Variants in LMNTD1 observed in about 807,000 individuals in gnomAD.
LMNTD1 encodes the protein lamin tail domain-containing protein 1.
In LMNTD1, 35 loss-of-function variants were observed where a neutral mutation model predicts 50.9. The ratio of observed to expected loss-of-function variants is 0.69; its 90% CI spans 0.53 to 0.91. LMNTD1 has a LOEUF of 0.91. LMNTD1 is among the 40% of genes least tolerant of loss of function. The pLI is 0.00. For synonymous variants in LMNTD1, 153 were observed against 161.9 expected, an observed-to-expected ratio of 0.94 and a Z score of 0.42; for missense variants, 470 against 475.5, an observed-to-expected ratio of 0.99 and a Z score of 0.11.
chr12:25,492,739 T>C (rs1938928045), intron 9 of LMNTD1, among the ~76,000 whole-genome samples: 1 of 152,240 alleles, frequency 6.6e-6, no homozygotes, highest in Admixed American at 6.5e-5. Flanking sequence ...CGCTATTTTA[T>C]AGTGGAACAA....
intron 1 of LMNTD1, among the ~76,000 whole-genome samples, chr12:25,567,883 T>C (rs1052346410): frequency 1.3e-5 from 2 of 151,990 alleles, no homozygotes; most frequent in Admixed American, 1.3e-4. Flanking sequence ...TTTATAGCAA[T>C]GTAAGAGTGG....
At chr12:25,609,227 C>A (rs926220280) in intron 1 of LMNTD1, among the ~76,000 whole-genome samples, 1 of 152,120 alleles carries the variant, frequency 6.6e-6, no homozygotes, top group Admixed American at 6.5e-5. Context: ...TTCATCCAAT[C>A]TTTTTTCAAG....
chr12:25,507,912 C>A (rs1939937245), intron 8 of LMNTD1, among the ~76,000 whole-genome samples: 1 of 152,106 alleles, frequency 6.6e-6, no homozygotes, highest in African/African-American at 2.4e-5. Context: ...CAAGACACTG[C>A]AACATAATGA....
chr12:25,618,082 T>A (rs1946385226), intron 1 of LMNTD1, among the ~76,000 whole-genome samples: 4 of 152,102 alleles, frequency 2.6e-5, no homozygotes. Context: ...ATTTCCCCAA[T>A]CTCTACTTTT....
At chr12:25,494,257 G>A (rs901735946) in intron 9 of LMNTD1, among the ~76,000 whole-genome samples, 1 of 152,238 alleles carries the variant, frequency 6.6e-6, no homozygotes, top group East Asian at 1.9e-4. Context: ...TGATATTAAG[G>A]TAAAATTTGG....
intron 1 of LMNTD1, among the ~76,000 whole-genome samples, chr12:25,616,344 A>G (rs1264581656): frequency 1.3e-5 from 2 of 152,236 alleles, no homozygotes; most frequent in East Asian, 3.9e-4. Flanking sequence ...TTTTACAACA[A>G]CTCAACAATA....
intron 1 of LMNTD1, among the ~76,000 whole-genome samples, chr12:25,628,001 G>C (rs1946629081): frequency 6.8e-6 from 1 of 147,810 alleles, no homozygotes. Context: ...CCAGCTACAC[G>C]GGAGGCTGAG....
intron 1 of LMNTD1, among the ~76,000 whole-genome samples, chr12:25,601,189 G>A (rs1340365458): frequency 6.6e-6 from 1 of 151,938 alleles, no homozygotes; most frequent in Non-Finnish European, 1.5e-5. Flanking sequence ...AGTGAAATAA[G>A]CCAAGCATAG....
chr12:25,589,700 G>A (rs1389113788), intron 1 of LMNTD1, among the ~76,000 whole-genome samples: 1 of 152,168 alleles, frequency 6.6e-6, no homozygotes, highest in Non-Finnish European at 1.5e-5. Flanking sequence ...TTTCCAGGAA[G>A]GGATGATGAG....
intron 1 of LMNTD1, among the ~76,000 whole-genome samples, chr12:25,641,718 A>G (rs185105639): frequency 1.3e-5 from 2 of 152,288 alleles, no homozygotes; most frequent in African/African-American, 4.8e-5. Context: ...TTTGTAGTAA[A>G]TAATAAAAGA....
intron 4 of LMNTD1, among the ~76,000 whole-genome samples, chr12:25,528,195 C>T (rs1941950790): frequency 6.6e-6 from 1 of 152,040 alleles, no homozygotes. Flanking sequence ...GAAGGTCACA[C>T]TAAAAAAATG....
intron 1 of LMNTD1, among the ~76,000 whole-genome samples, chr12:25,595,732 A>G (rs1032366211): frequency 3.6e-4 from 55 of 152,156 alleles, no homozygotes; most frequent in African/African-American, 1.3e-3. Flanking sequence ...CCAACATCAC[A>G]GCAGAACTAA....
chr12:25,520,139 G>GATATAGAT (rs1394594290), intron 6 of LMNTD1, 64 bp from the exon 7 acceptor site: 1 of 149,920 alleles, frequency 6.7e-6, no homozygotes, highest in East Asian at 1.8e-4. Flanking sequence ...GCTGTTATGA[G>GATATAGAT]ATATACATAT....
chr12:25,569,560 T>C (rs1349493620), intron 1 of LMNTD1, among the ~76,000 whole-genome samples: 1 of 152,146 alleles, frequency 6.6e-6, no homozygotes, highest in Non-Finnish European at 1.5e-5. Context: ...CAGAATGATA[T>C]GGTTTGGATA....
intron 9 of LMNTD1, among the ~76,000 whole-genome samples, chr12:25,483,245 C>A (rs780205558): frequency 2.0e-4 from 30 of 150,936 alleles, no homozygotes; most frequent in Admixed American, 4.6e-4. Context: ...GGCAACATGG[C>A]AAAACCCTGT....
chr12:25,491,946 G>A (rs1206953714), intron 9 of LMNTD1, among the ~76,000 whole-genome samples: 3 of 152,142 alleles, frequency 2.0e-5, no homozygotes, highest in African/African-American at 7.2e-5. Context: ...ATAAAATAAG[G>A]TGCTAATTGA....
intron 1 of LMNTD1, among the ~76,000 whole-genome samples, chr12:25,623,648 A>G (rs543445158): frequency 1.3e-5 from 2 of 151,446 alleles, no homozygotes; most frequent in East Asian, 3.9e-4. Context: ...ATTTAAAAGA[A>G]TTTTGTTCTG....
intron 1 of LMNTD1, among the ~76,000 whole-genome samples, chr12:25,583,003 A>G (rs1448660784): frequency 6.8e-6 from 1 of 147,738 alleles, no homozygotes; most frequent in African/African-American, 2.5e-5. Context: ...TCGTGACACC[A>G]TGCCTGGATA....
chr12:25,637,797 G>T (rs112073366), intron 1 of LMNTD1, among the ~76,000 whole-genome samples: 1 of 151,458 alleles, frequency 6.6e-6, no homozygotes, highest in Non-Finnish European at 1.5e-5. Context: ...TTCCAAAAAA[G>T]ATATACAAAT....
Sources: allele counts gnomAD v4.1 joint callset (sites outside exome capture counted in the v4.1 genomes callset), GRCh38; gene constraint gnomAD v4.1.1; transcripts MANE v1.5; gene names NCBI Gene and HGNC (gene_info 2026-07-23, HGNC 2026-07-21).